The following SLC17A5 variants were observed in gnomAD, a reference collection of about 807,000 sequenced individuals.
SLC17A5 encodes the protein sialin.
SLC17A5 carries 47 observed loss-of-function variants against 59.4 expected under a neutral mutation model. The observed-to-expected ratio is 0.79, with a 90% confidence interval of 0.63 to 1.01. The LOEUF is 1.01. Ranked by LOEUF, SLC17A5 falls within the 50% of genes least tolerant of loss-of-function variation. The probability of loss-of-function intolerance (pLI) is 0.00; values close to 1 mark genes in which losing one functional copy is unlikely to be tolerated. For missense variants in SLC17A5, 522 were observed against 595.5 expected, an observed-to-expected ratio of 0.88 and a Z score of 1.28; for synonymous variants, 202 against 210.7, an observed-to-expected ratio of 0.96 and a Z score of 0.36.
chr6:73,645,451 C>A, intron 1 of SLC17A5: 1 of 985,140 alleles, frequency 1.0e-6, no homozygotes, highest in Non-Finnish European at 1.2e-6. Flanking sequence ...GCGTAAAGGG[C>A]TCACAGTAAA....
In SLC17A5 at chr6:73,644,559, A is replaced by G; in HGVS notation, c.139T>C (p.Phe47Leu). The change falls in exon 2 of 11, where the codon TTT becomes CTT. Residue 47 changes from phenylalanine to leucine, a missense_variant. Phe to Leu is a conservative substitution (Grantham distance 22). This residue lies in a region of SLC17A5 where 338 missense variants were observed against 363.8 expected (regional missense o/e 0.93). Coordinates refer to ENST00000355773, the MANE Select transcript of SLC17A5 (RefSeq NM_012434.5). ...SARYNLAILA[F>L]FGFFIVYALR... ...GCATACACAATGAAGAAACCAAAAA[A>G]GGCCAAAATTGCTAAGTTGTAACGA... 2 of 1,614,182 alleles carry G rather than the reference A, an allele frequency of 1.2e-6. No homozygotes were observed. Among genetic ancestry groups the G allele is most frequent in the Non-Finnish European group, 1.7e-6 (2 of 1,180,016 alleles).
intron 9 of SLC17A5, among the ~76,000 whole-genome samples, chr6:73,606,225 T>C (rs1200235955): frequency 6.6e-6 from 1 of 151,818 alleles, no homozygotes; most frequent in Non-Finnish European, 1.5e-5. Flanking sequence ...GTATTTTTAG[T>C]AGAGATGGGG....
rs758844698 is a variant in SLC17A5, at chr6:73,641,879, C to T, written c.337G>A (p.Gly113Ser). The T allele has an allele frequency of 5.0e-6, 8 of 1,614,148 alleles. No individual in the cohort carries two copies. In the Admixed American group the frequency reaches 6.7e-5, roughly 13 times the overall value. Residue 113 changes from glycine to serine, a missense_variant, in exon 3 of 11, where the codon GGT (glycine) becomes AGT (serine). This residue lies in a region of SLC17A5 where 338 missense variants were observed against 363.8 expected (regional missense o/e 0.93). Coordinates refer to ENST00000355773, the MANE Select transcript of SLC17A5 (RefSeq NM_012434.5). ...ATGATGTAGCCATAAAAAAAGGAAC[C>T]GAGAATCCATCCTTGAGTTTCTGCA... Reference protein sequence around the residue: ...WDAETQGWILGSFFYGYIITQ... With the variant: ...WDAETQGWILSSFFYGYIITQ...
At chr6:73,653,718 G>T in intron 1 of SLC17A5, 75 bp downstream of exon 1, 1 of 1,394,228 alleles carries the variant, frequency 7.2e-7, no homozygotes, top group Non-Finnish European at 9.9e-7. Flanking sequence ...CGGGTACCCG[G>T]GCCATGCCGG....
intron 9 of SLC17A5, among the ~76,000 whole-genome samples, chr6:73,605,255 TA>T (rs1021093531): frequency 6.6e-6 from 1 of 151,968 alleles, no homozygotes; most frequent in East Asian, 1.9e-4. Flanking sequence ...GCTACCTTGT[TA>T]AAAAAAACAA....
At chr6:73,615,612 G>A (rs1767818745) in intron 7 of SLC17A5, among the ~76,000 whole-genome samples, 165 bp from the exon 8 acceptor site, 1 of 152,118 alleles carries the variant, frequency 6.6e-6, no homozygotes, top group South Asian at 2.1e-4. Flanking sequence ...CTGTCAGAAG[G>A]ATTATAGGGT....
intron 9 of SLC17A5, among the ~76,000 whole-genome samples, chr6:73,603,320 G>A (rs942750662): frequency 6.6e-6 from 1 of 152,030 alleles, no homozygotes; most frequent in Non-Finnish European, 1.5e-5. Flanking sequence ...CTGATCTCAG[G>A]TGATCCACCT....
rs141300651 is a variant in SLC17A5 at position 73,596,717 on chromosome 6, G to A, written c.1351-1503C>T. Reference sequence around the variant, plus strand: ...TAAAAAAATAAAAAATTAGCCGGGCGTGGTGGCTGGTGCCTGTAGTCCCAG... The same window carrying A: ...TAAAAAAATAAAAAATTAGCCGGGCATGGTGGCTGGTGCCTGTAGTCCCAG... On this transcript the variant is annotated intron_variant, in intron 10 of 10. Coordinates refer to ENST00000355773, the MANE Select transcript of SLC17A5 (RefSeq NM_012434.5). Among the ~76,000 whole-genome samples the A allele has an allele frequency of 5.9e-3, 895 of 152,240 alleles. 11 individuals are homozygous for A. Among genetic ancestry groups the A allele is most frequent in the East Asian group, 0.047 (243 of 5,174 alleles).
At chr6:73,634,747 A>G (rs1415135935) in intron 6 of SLC17A5, among the ~76,000 whole-genome samples, 1 of 152,144 alleles carries the variant, frequency 6.6e-6, no homozygotes, top group African/African-American at 2.4e-5. Context: ...GAAATGCTCC[A>G]ATGAGCATTT....
chr6:73,653,937 G>A lies in SLC17A5; in HGVS notation c.-51C>T, dbSNP rs1406623340. On this transcript the variant is annotated 5_prime_UTR_variant, in exon 1 of 11. Transcript: ENST00000355773. ...GCCACCTGGCAGAGAAGGGAGCGCCGGCCCGACAGCCCGAAGCCCCCGGGC... is the reference window on the plus strand; with the variant it reads ...GCCACCTGGCAGAGAAGGGAGCGCCAGCCCGACAGCCCGAAGCCCCCGGGC... 1.3e-6 allele frequency: 2 copies of A among 1,495,878 alleles called. No homozygotes were observed. The highest frequency in any genetic ancestry group is 1.4e-5 in the African/African-American group (1 of 71,790). 92.7% of individuals were successfully genotyped at this position (1,495,878 alleles called of 1,614,324 possible).
intron 9 of SLC17A5, among the ~76,000 whole-genome samples, chr6:73,605,600 T>C (rs1342941623): frequency 6.6e-6 from 1 of 150,386 alleles, no homozygotes; most frequent in African/African-American, 2.5e-5. Context: ...TATAAGAAAG[T>C]TATCCTTTGA....
Position 73,653,898 on chromosome 6 carries a change from G to A in SLC17A5, c.-12C>T. The A allele has an allele frequency of 1.3e-6, 2 of 1,599,022 alleles. 1 individual carries two copies. Among genetic ancestry groups the A allele is most frequent in the South Asian group, 2.2e-5 (2 of 88,962 alleles). The stretch of plus-strand genomic sequence containing the variant: ...ACCGGAGACCTCATGACGCCTACGT[G>A]AGCAGGTGTACTCGCCACCTGGCAG... On this transcript the variant is annotated 5_prime_UTR_variant, in exon 1 of 11. Transcript: ENST00000355773.
At chr6:73,608,644 A>G (rs1057147373) in intron 9 of SLC17A5, among the ~76,000 whole-genome samples, 7 of 152,206 alleles carry the variant, frequency 4.6e-5, no homozygotes, top group African/African-American at 1.7e-4. Context: ...AAGCGATAAC[A>G]TAGCCTAGAA....
intron 1 of SLC17A5, among the ~76,000 whole-genome samples, chr6:73,649,588 G>C (rs887934980): frequency 2.6e-5 from 4 of 152,188 alleles, no homozygotes; most frequent in African/African-American, 9.7e-5. Context: ...CTGGGCAACA[G>C]AATAAGACTC....
At chr6:73,635,039 T>C (rs1003934973) in intron 6 of SLC17A5, among the ~76,000 whole-genome samples, 17 of 151,158 alleles carry the variant, frequency 1.1e-4, no homozygotes, top group Middle Eastern at 3.2e-3. Context: ...CTATAAAAAA[T>C]GAAAGAACTG....
chr6:73,619,922 G>GTTTTTTTT (rs1174723514), intron 7 of SLC17A5, among the ~76,000 whole-genome samples: 3 of 119,126 alleles, frequency 2.5e-5, no homozygotes. Context: ...TTGAGAATTT[G>GTTTTTTTT]TTTTTTTTTT....
At chr6:73,626,998 G>A (rs973088714) in intron 6 of SLC17A5, among the ~76,000 whole-genome samples, 3 of 151,788 alleles carry the variant, frequency 2.0e-5, no homozygotes, top group African/African-American at 4.8e-5. Flanking sequence ...TCTTGAACTC[G>A]TGACCTCAGG....
At chr6:73,632,959 A>C (rs1299109263) in intron 6 of SLC17A5, among the ~76,000 whole-genome samples, 1 of 152,062 alleles carries the variant, frequency 6.6e-6, no homozygotes, top group Non-Finnish European at 1.5e-5. Flanking sequence ...CTCAATTAAC[A>C]TCAGGTAGGA....
At chr6:73,641,047 G>A (rs1340369571) in intron 3 of SLC17A5, among the ~76,000 whole-genome samples, 2 of 152,094 alleles carry the variant, frequency 1.3e-5, no homozygotes, top group African/African-American at 4.8e-5. Context: ...GTTTAACGGT[G>A]GCAAGAGCAC....
Sources: allele counts gnomAD v4.1 joint callset (sites outside exome capture counted in the v4.1 genomes callset), GRCh38; gene constraint gnomAD v4.1.1; regional missense constraint gnomAD v4.1.1; transcripts MANE v1.5; gene names NCBI Gene and HGNC (gene_info 2026-07-23, HGNC 2026-07-21).